The following C8orf76 variants were observed in gnomAD, a reference collection of about 807,000 sequenced individuals.
The protein encoded by C8orf76 is chromosome 8 open reading frame 76.
In C8orf76, 46 loss-of-function variants were observed where a neutral mutation model predicts 38.1. The observed-to-expected ratio is 1.21, with a 90% CI of 0.95 to 1.54. C8orf76 has a LOEUF of 1.54. Ranked by LOEUF, C8orf76 falls within the 40% of genes most tolerant of loss-of-function variation. The pLI is 0.00. For synonymous variants in C8orf76, 166 were observed against 167.5 expected (o/e 0.99, Z 0.07); for missense variants, 461 against 441.6 (o/e 1.04, Z -0.39).
At chr8:123,227,174 T>C (rs992845845) in intron 4 of C8orf76, among the ~76,000 whole-genome samples, 1 of 152,024 alleles carries the variant, frequency 6.6e-6, no homozygotes, top group African/African-American at 2.4e-5. Flanking sequence ...CACTCTGCGA[T>C]ACCTTACCAC....
intron 2 of C8orf76, chr8:123,238,792 A>G (rs1411255916): frequency 5.1e-6 from 2 of 388,468 alleles, no homozygotes; most frequent in Non-Finnish European, 9.5e-6. Flanking sequence ...TAATGAGGAG[A>G]TTCAGAACCT....
At chr8:123,224,909 C>CAG (rs1370868991) in intron 5 of C8orf76, among the ~76,000 whole-genome samples, 1 of 152,144 alleles carries the variant, frequency 6.6e-6, no homozygotes, top group Non-Finnish European at 1.5e-5. Flanking sequence ...TATCTGAGCT[C>CAG]AGAGGAAGGA....
In C8orf76 at chr8:123,231,384, T is replaced by C; in HGVS notation, c.731A>G (p.Asn244Ser). 2 of 1,614,236 alleles carry C rather than the reference T, an allele frequency of 1.2e-6. No individual in the cohort carries two copies. Among genetic ancestry groups the C allele is most frequent in the Non-Finnish European group, 1.7e-6 (2 of 1,180,044 alleles). Reference sequence around the variant, plus strand: ...CTTTTCTGCCATACAGTTTTGGATATTTGTCAGAGCTTTCTCATTTTTCTG... The same window carrying C: ...CTTTTCTGCCATACAGTTTTGGATACTTGTCAGAGCTTTCTCATTTTTCTG... ...NSQKNEKALTNIQNCMAEKRE... is the reference protein window; with the variant it reads ...NSQKNEKALTSIQNCMAEKRE... Residue 244 changes from asparagine (N) to serine (S), a missense_variant, in exon 4 of 6, where the codon AAT becomes AGT. By Grantham distance (46) the Asn-to-Ser change is conservative (BLOSUM62 1). Coordinates refer to ENST00000276704, the MANE Select transcript of C8orf76 (RefSeq NM_032847.3).
chr8:123,227,573 C>T (rs1825091692), intron 4 of C8orf76, among the ~76,000 whole-genome samples: 2 of 152,152 alleles, frequency 1.3e-5, no homozygotes, highest in Admixed American at 6.5e-5. Context: ...AGGCAAGCTA[C>T]GAGCTACCTG....
chr8:123,219,991 A>G lies in C8orf76; in HGVS notation c.*112T>C, dbSNP rs866243656. ...ATCATTTGAGACAGAAGCCAGTTTT[A>G]TAAAACATAAATAATCATTTATACT... On this transcript the variant is annotated 3_prime_UTR_variant, in exon 6 of 6. Coordinates refer to ENST00000276704, the MANE Select transcript of C8orf76 (RefSeq NM_032847.3). 1 of 616,570 alleles carries G rather than the reference A, an allele frequency of 1.6e-6. No individual in the cohort carries two copies. Among genetic ancestry groups the G allele is most frequent in the Middle Eastern group, 4.1e-4 (1 of 2,430 alleles). 38.2% of individuals were successfully genotyped at this position (616,570 alleles called of 1,614,324 possible). A position where few individuals can be genotyped will look rare whatever the true frequency, so the allele number is the denominator to read the frequency against.
chr8:123,240,888 T>G (rs1825660407), intron 1 of C8orf76, among the ~76,000 whole-genome samples: 2 of 152,136 alleles, frequency 1.3e-5, no homozygotes, highest in Non-Finnish European at 2.9e-5. Context: ...GTCACCGTTT[T>G]GGGAGGCCTG....
intron 3 of C8orf76, among the ~76,000 whole-genome samples, chr8:123,236,455 G>A (rs946080937): frequency 2.6e-5 from 4 of 152,052 alleles, no homozygotes; most frequent in African/African-American, 9.7e-5. Context: ...AAAAAATTCC[G>A]CTTTAGAATG....
rs1216621333 is a variant in C8orf76, at chr8:123,241,238, C to T, written c.109G>A (p.Glu37Lys). 3 of 1,588,138 alleles carry T rather than the reference C, an allele frequency of 1.9e-6. No homozygotes were observed. The highest frequency in any genetic ancestry group is 1.7e-5 in the Admixed American group (1 of 58,526). The change falls in exon 1 of 6, where the codon GAG (glutamate) becomes AAG (lysine). Residue 37 changes from glutamate (E) to lysine (K), a missense_variant. By Grantham distance (56) the Glu-to-Lys change is moderately conservative. Coordinates refer to ENST00000276704, the MANE Select transcript of C8orf76 (RefSeq NM_032847.3). The part of the protein sequence containing the change: ...PPASYCAKLC[E>K]PQWFYEETES... Reference sequence around the variant, plus strand: ...AGGCCCCAGCTTCTCACCTGCGGCTCGCAGAGCTTGGCGCAGTAGGACGCG... The same window carrying T: ...AGGCCCCAGCTTCTCACCTGCGGCTTGCAGAGCTTGGCGCAGTAGGACGCG...
chr8:123,221,242 T>C (rs1488886264), intron 5 of C8orf76, among the ~76,000 whole-genome samples: 2 of 152,236 alleles, frequency 1.3e-5, no homozygotes, highest in Non-Finnish European at 2.9e-5. Context: ...TACTAAAGCC[T>C]GGTATTTCAC....
rs1238417120 is a variant in C8orf76, at chr8:123,221,656, G to A, written c.949-1359C>T. 3.3e-5 allele frequency among the ~76,000 whole-genome samples: 5 copies of A among 152,298 alleles called. No individual in the cohort carries two copies. In the Middle Eastern group the frequency reaches 0.01, roughly 311 times the overall value. On this transcript the variant is annotated intron_variant, in intron 5 of 5. Transcript: ENST00000276704. ...TCATCATGTTGGCCAGGCTGGTCTT[G>A]AGTTCCTGACCTCAACTGATCCACC...
intron 5 of C8orf76, among the ~76,000 whole-genome samples, chr8:123,222,236 G>A (rs868242222): frequency 1.3e-5 from 2 of 151,588 alleles, no homozygotes; most frequent in East Asian, 1.9e-4. Flanking sequence ...CACCCGCTTC[G>A]GCCTCCCAAA....
At chr8:123,233,144 C>T (rs920045023) in intron 3 of C8orf76, among the ~76,000 whole-genome samples, 2 of 151,944 alleles carry the variant, frequency 1.3e-5, no homozygotes, top group Non-Finnish European at 2.9e-5. Flanking sequence ...CCTCAGCCTC[C>T]GGAGTAGCTG....
intron 5 of C8orf76, among the ~76,000 whole-genome samples, chr8:123,221,266 C>T (rs554029869): frequency 9.5e-4 from 144 of 152,280 alleles, no homozygotes; most frequent in African/African-American, 3.2e-3. Context: ...TTCTAAGATA[C>T]TTTTTTGTTT....
At chr8:123,225,893 C>T (rs1825028126) in intron 5 of C8orf76, among the ~76,000 whole-genome samples, 1 of 151,672 alleles carries the variant, frequency 6.6e-6, no homozygotes, top group Non-Finnish European at 1.5e-5. Context: ...CCACTGCACT[C>T]CAGCCTGGGA....
intron 4 of C8orf76, among the ~76,000 whole-genome samples, chr8:123,227,205 T>C (rs919557438): frequency 6.6e-6 from 1 of 151,752 alleles, no homozygotes; most frequent in Non-Finnish European, 1.5e-5. Context: ...GTCATGATCA[T>C]AGCTGGTCTC....
intron 5 of C8orf76, chr8:123,226,256 G>T: frequency 7.4e-7 from 1 of 1,352,178 alleles, no homozygotes; most frequent in Non-Finnish European, 9.4e-7. Flanking sequence ...ATGATGTTCA[G>T]GCAGGCAGGT....
intron 3 of C8orf76, among the ~76,000 whole-genome samples, chr8:123,232,834 T>C (rs1478847194): frequency 6.6e-6 from 1 of 152,210 alleles, no homozygotes; most frequent in African/African-American, 2.4e-5. Context: ...TAAGAGCTTT[T>C]GTTCAATGTA....
intron 5 of C8orf76, among the ~76,000 whole-genome samples, chr8:123,223,160 A>AT (rs1177870901): frequency 1.3e-5 from 2 of 152,260 alleles, no homozygotes; most frequent in Non-Finnish European, 2.9e-5. Context: ...CTCAAATAAT[A>AT]TTTAGGATAT....
intron 4 of C8orf76, among the ~76,000 whole-genome samples, chr8:123,229,456 C>T (rs1029628645): frequency 2.0e-5 from 3 of 152,226 alleles, no homozygotes; most frequent in Non-Finnish European, 4.4e-5. Context: ...GAGGCATCAT[C>T]CCCTCTGTAA....
Sources: gnomAD v4.1 joint callset for allele counts (sites outside exome capture counted in the v4.1 genomes callset) on GRCh38, gnomAD v4.1.1 for gene constraint, MANE v1.5 for transcripts, NCBI Gene and HGNC (gene_info 2026-07-23, HGNC 2026-07-21) for gene names.